Variants in C12orf56 observed in about 807,000 individuals in gnomAD.
C12orf56 encodes chromosome 12 open reading frame 56, also known as uncharacterized protein C12orf56.
In C12orf56, 71 loss-of-function variants were observed where a neutral mutation model predicts 69.9. The ratio of observed to expected loss-of-function variants is 1.02; its 90% CI spans 0.84 to 1.24. C12orf56 has a LOEUF of 1.24. Among genes scored for constraint, C12orf56 ranks in the 50% most tolerant of loss-of-function variants. The pLI is 0.00. For synonymous variants in C12orf56, 276 were observed against 274.1 expected (o/e 1.01, Z -0.07); for missense variants, 732 against 738.5 (o/e 0.99, Z 0.10).
At chr12:64,373,928 G>A (rs2039606352) in intron 1 of C12orf56, among the ~76,000 whole-genome samples, 1 of 152,036 alleles carries the variant, frequency 6.6e-6, no homozygotes, top group Admixed American at 6.6e-5. Flanking sequence ...CCTTCACATT[G>A]TACATAAGCT....
In C12orf56 at chr12:64,305,679, G is replaced by A. The variant is rs564011134; in HGVS notation, c.969-1900C>T. 3.3e-3 allele frequency among the ~76,000 whole-genome samples: 503 copies of A among 152,172 alleles called. 4 individuals carry two copies. The highest frequency in any genetic ancestry group is 0.011 in the African/African-American group (471 of 41,516). Reference sequence around the variant, plus strand: ...ATTACAGGCGTGAGCCACTACGCCCGGCCAAATGTGCTATTTTGATATTTT... The same window carrying A: ...ATTACAGGCGTGAGCCACTACGCCCAGCCAAATGTGCTATTTTGATATTTT... On this transcript the variant is annotated intron_variant, in intron 5 of 12. Transcript: ENST00000543942.
rs560620717 is a variant in C12orf56, at chr12:64,377,034, GA to G, written c.252+13279del. Reference sequence around the variant, plus strand: ...AATCTCACCAGCATCTGTTGTTTTTGACTTTTTAATAATCACCATTCTAACT... The same window carrying G: ...AATCTCACCAGCATCTGTTGTTTTTGCTTTTTAATAATCACCATTCTAACT... On this transcript the variant is annotated intron_variant, in intron 1 of 12. Transcript: ENST00000543942. Among the ~76,000 whole-genome samples the G allele has an allele frequency of 5.9e-5, 9 of 152,086 alleles. No homozygotes were observed. In the South Asian group the frequency reaches 1.9e-3, roughly 32 times the overall value.
chr12:64,339,927 GATATGATAACTTCCAGTTGTATAT>G (rs2039052981), intron 2 of C12orf56, among the ~76,000 whole-genome samples: 1 of 151,872 alleles, frequency 6.6e-6, no homozygotes, highest in Non-Finnish European at 1.5e-5. Context: ...TGTCCAGGTG[GATATGATAACTTCCAGTTGTATAT>G]ATATGATAAC....
intron 2 of C12orf56, among the ~76,000 whole-genome samples, chr12:64,351,542 C>T (rs1461888316): frequency 6.6e-6 from 1 of 152,134 alleles, no homozygotes; most frequent in East Asian, 1.9e-4. Context: ...ATGAAGGGAA[C>T]TCGACGGCTA....
intron 4 of C12orf56, among the ~76,000 whole-genome samples, chr12:64,318,340 G>A (rs2038716109): frequency 6.6e-6 from 1 of 152,240 alleles, no homozygotes; most frequent in Non-Finnish European, 1.5e-5. Flanking sequence ...TGGGATTACA[G>A]GAATGAGCCA....
intron 6 of C12orf56, among the ~76,000 whole-genome samples, chr12:64,298,362 T>C (rs1737601089): frequency 6.6e-6 from 1 of 152,260 alleles, no homozygotes; most frequent in African/African-American, 2.4e-5. Context: ...TTTCTTTTGC[T>C]GTGCAGAAGC....
intron 1 of C12orf56, among the ~76,000 whole-genome samples, chr12:64,363,733 T>C (rs10878163): frequency 0.4 from 60,749 of 152,002 alleles, 12,393 homozygotes; most frequent in East Asian, 0.61. Context: ...GAGGCCACCA[T>C]TGGAACACTG....
At chr12:64,380,167 T>C (rs1180396058) in intron 1 of C12orf56, among the ~76,000 whole-genome samples, 1 of 129,188 alleles carries the variant, frequency 7.7e-6, no homozygotes, top group Non-Finnish European at 1.6e-5. Flanking sequence ...ACAATGCAGC[T>C]AAACAACACA....
chr12:64,334,089 G>A (rs2038963991), intron 2 of C12orf56, among the ~76,000 whole-genome samples: 1 of 152,226 alleles, frequency 6.6e-6, no homozygotes, highest in Non-Finnish European at 1.5e-5. Flanking sequence ...ATGCATATCT[G>A]ATGGAATGCT....
chr12:64,347,284 CTTTT>C (rs35011865), intron 2 of C12orf56, among the ~76,000 whole-genome samples: 453 of 121,806 alleles, frequency 3.7e-3, no homozygotes, highest in African/African-American at 0.013. Flanking sequence ...AGCCTAGTAA[CTTTT>C]TTTTTTTTTT....
At chr12:64,299,207 T>C (rs1181001246) in intron 6 of C12orf56, among the ~76,000 whole-genome samples, 1 of 152,204 alleles carries the variant, frequency 6.6e-6, no homozygotes, top group African/African-American at 2.4e-5. Context: ...TGTATAGGAA[T>C]GCTTGTGATT....
intron 1 of C12orf56, among the ~76,000 whole-genome samples, chr12:64,354,029 A>G (rs2039271252): frequency 6.6e-6 from 1 of 152,200 alleles, no homozygotes; most frequent in Non-Finnish European, 1.5e-5. Flanking sequence ...AAAAATGTAT[A>G]ATTAATTGAT....
intron 5 of C12orf56, among the ~76,000 whole-genome samples, chr12:64,308,767 C>T (rs575521056): frequency 2.7e-5 from 4 of 150,648 alleles, no homozygotes; most frequent in African/African-American, 9.7e-5. Context: ...TGCTTGAACC[C>T]GGGTGGTGGA....
intron 3 of C12orf56, among the ~76,000 whole-genome samples, chr12:64,324,035 G>A (rs190146504): frequency 5.3e-5 from 8 of 152,164 alleles, no homozygotes; most frequent in South Asian, 2.1e-4. Flanking sequence ...AGCCCTCCCC[G>A]CAGAAGCTCA....
At chr12:64,298,761 C>T (rs1356534306) in intron 6 of C12orf56, among the ~76,000 whole-genome samples, 1 of 152,174 alleles carries the variant, frequency 6.6e-6, no homozygotes, top group Non-Finnish European at 1.5e-5. Flanking sequence ...GGTACCAGTA[C>T]CATGCTCTTT....
chr12:64,302,043 A>G (rs1006455808), intron 6 of C12orf56, among the ~76,000 whole-genome samples: 1 of 152,240 alleles, frequency 6.6e-6, no homozygotes, highest in African/African-American at 2.4e-5. Flanking sequence ...TTAAATTGAT[A>G]CTGTGTGTGG....
chr12:64,338,864 G>C, intron 2 of C12orf56: 1 of 706,164 alleles, frequency 1.4e-6, no homozygotes. Context: ...GGGAGGAATG[G>C]GCAGAGGAAA....
intron 5 of C12orf56, among the ~76,000 whole-genome samples, chr12:64,308,972 A>AATG (rs2038569163): frequency 1.3e-5 from 1 of 77,388 alleles, no homozygotes; most frequent in African/African-American, 5.5e-5. Context: ...AGAAAGAAAG[A>AATG]AAAGAAAGAA....
At chr12:64,269,860 A>T (rs2037959121) in intron 12 of C12orf56, among the ~76,000 whole-genome samples, 1 of 152,072 alleles carries the variant, frequency 6.6e-6, no homozygotes, top group South Asian at 2.1e-4. Context: ...CAGTGCTAGG[A>T]TTACAGGCAT....
Sources: allele counts gnomAD v4.1 joint callset (sites outside exome capture counted in the v4.1 genomes callset), GRCh38; gene constraint gnomAD v4.1.1; transcripts MANE v1.5; gene names NCBI Gene and HGNC (gene_info 2026-07-23, HGNC 2026-07-21).